The following TEX15 variants were observed in gnomAD, a reference collection of about 807,000 sequenced individuals.
The protein encoded by TEX15 is testis-expressed protein 15.
Under a neutral mutation model 237.3 loss-of-function variants are expected in TEX15, and 171 were observed. That is an observed-to-expected ratio of 0.72 (90% CI 0.64 to 0.82). The LOEUF is 0.82. Ranked by LOEUF, TEX15 falls within the 40% of genes least tolerant of loss-of-function variation. TEX15 has a pLI of 0.00. For missense variants in TEX15, 3,750 were observed against 3,646.5 expected (o/e 1.03, Z -0.73); for synonymous variants, 1,338 against 1,269.8 (o/e 1.05, Z -1.14).
At chr8:30,885,261 T>G (rs6990909) in intron 3 of TEX15, among the ~76,000 whole-genome samples, 53,452 of 151,986 alleles carry the variant, frequency 0.35, 14,216 homozygotes, top group African/African-American at 0.74. Flanking sequence ...ATTCCCATGT[T>G]TTGTGGGAGG....
intron 1 of TEX15, among the ~76,000 whole-genome samples, chr8:30,903,422 C>G (rs1349390114): frequency 6.6e-6 from 1 of 152,170 alleles, no homozygotes; most frequent in Non-Finnish European, 1.5e-5. Flanking sequence ...AGTCTAGGAG[C>G]TGCAGTACAA....
intron 3 of TEX15, among the ~76,000 whole-genome samples, chr8:30,882,476 C>G (rs1364319828): frequency 6.6e-6 from 1 of 152,076 alleles, no homozygotes; most frequent in Non-Finnish European, 1.5e-5. Flanking sequence ...TTAGTAGAGA[C>G]AGGGTTTCAC....
In TEX15 at chr8:30,844,091, T is replaced by C. The variant is rs1268594204; in HGVS notation, c.6076A>G (p.Ile2026Val). 2 of 1,612,742 alleles carry C rather than the reference T, an allele frequency of 1.2e-6. No individual in the cohort carries two copies. Among genetic ancestry groups the C allele is most frequent in the African/African-American group, 1.3e-5 (1 of 74,862 alleles). ...LQEETKVCLN[I>V]LPLFVEAFER... The stretch of plus-strand genomic sequence containing the variant: ...AAAGCTTCCACAAATAAAGGGAGAA[T>C]ATTTAGACAAACCTTAGTTTCTTCC... Residue 2026 changes from isoleucine to valine, a missense_variant, in exon 8 of 11, where the codon ATT becomes GTT. By Grantham distance (29) the Ile-to-Val change is conservative. Coordinates refer to ENST00000643185, the MANE Select transcript of TEX15 (RefSeq NM_001350162.2).
chr8:30,896,075 T>C (rs10088023), intron 2 of TEX15, among the ~76,000 whole-genome samples: 3,315 of 152,256 alleles, frequency 0.022, 116 homozygotes, highest in African/African-American at 0.075. Context: ...AGTTCGACTA[T>C]TGGTACCTTG....
intron 5 of TEX15, among the ~76,000 whole-genome samples, chr8:30,865,492 G>A (rs911470117): frequency 6.6e-6 from 1 of 151,938 alleles, no homozygotes; most frequent in African/African-American, 2.4e-5. Flanking sequence ...CAAAACCAAA[G>A]ACAACGAAAG....
chr8:30,887,370 C>G, intron 2 of TEX15, 59 bp from the exon 3 acceptor site: 1 of 1,333,100 alleles, frequency 7.5e-7, no homozygotes, highest in Non-Finnish European at 9.8e-7. Context: ...AAGGCAATGG[C>G]AGTACAATCA....
At chr8:30,850,677 T>A (rs1246647379) in intron 7 of TEX15, among the ~76,000 whole-genome samples, 1 of 151,730 alleles carries the variant, frequency 6.6e-6, no homozygotes, top group South Asian at 2.1e-4. Flanking sequence ...TACACCAAAA[T>A]AAAATTTGCT....
chr8:30,886,113 G>T (rs1407085201), intron 3 of TEX15, among the ~76,000 whole-genome samples: 1 of 152,178 alleles, frequency 6.6e-6, no homozygotes, highest in Non-Finnish European at 1.5e-5. Context: ...CTTGGTGTGT[G>T]TTAAGATGAG....
chr8:30,879,180 A>C (rs1360481163), intron 3 of TEX15, among the ~76,000 whole-genome samples: 1 of 151,986 alleles, frequency 6.6e-6, no homozygotes, highest in Non-Finnish European at 1.5e-5. Flanking sequence ...TCCAGATGTA[A>C]GTCCTTGCTC....
chr8:30,879,059 T>G (rs1808463566), intron 3 of TEX15, among the ~76,000 whole-genome samples: 2 of 152,232 alleles, frequency 1.3e-5, no homozygotes, highest in Admixed American at 1.3e-4. Context: ...TAAGCCCATT[T>G]GCCATCAGTG....
rs191625804 is a variant in TEX15 at position 30,875,149 on chromosome 8, T to C, written c.137-47A>G. 66 of 1,160,266 alleles carry C rather than the reference T, an allele frequency of 5.7e-5. No individual in the cohort carries two copies. The East Asian group carries it at 2.0e-3, about 34-fold the overall frequency. The allele number at this position is 1,160,266 out of a possible 1,614,324, so 71.9% of individuals were successfully genotyped here. Reference sequence around the variant, plus strand: ...GCAGTTGTATTTAAAATGACATTATTGGACATCTGTACAATGACAACTGTA... The same window carrying C: ...GCAGTTGTATTTAAAATGACATTATCGGACATCTGTACAATGACAACTGTA... On this transcript the variant is annotated intron_variant, in intron 3 of 10. Coordinates refer to ENST00000643185, the MANE Select transcript of TEX15 (RefSeq NM_001350162.2).
At chr8:30,851,625 C>CT (rs1193332790) in intron 7 of TEX15, among the ~76,000 whole-genome samples, 1 of 151,376 alleles carries the variant, frequency 6.6e-6, no homozygotes, top group Non-Finnish European at 1.5e-5. Flanking sequence ...GAGCAAGACT[C>CT]TGTCTCAAGG....
chr8:30,849,139 T>C lies in TEX15; in HGVS notation c.1028A>G (p.Tyr343Cys), dbSNP rs1485382772. ...NPFISNISNS[Y>C]GNVQNGNISI... Reference sequence around the variant, plus strand: ...AATGTTTCCATTTTGTACATTTCCATAGGAGTTAGAAATATTTGAGATGAA... The same window carrying C: ...AATGTTTCCATTTTGTACATTTCCACAGGAGTTAGAAATATTTGAGATGAA... Residue 343 changes from tyrosine (Y) to cysteine (C), a missense_variant, in exon 8 of 11, where the codon TAT (tyrosine) becomes TGT (cysteine). Coordinates refer to ENST00000643185, the MANE Select transcript of TEX15 (RefSeq NM_001350162.2). 16 of 1,579,578 alleles carry C rather than the reference T, an allele frequency of 1.0e-5. No homozygotes were observed. The highest frequency in any genetic ancestry group is 1.4e-5 in the Non-Finnish European group (16 of 1,163,332).
intron 2 of TEX15, among the ~76,000 whole-genome samples, chr8:30,890,767 T>C (rs1054064577): frequency 7.9e-5 from 12 of 152,194 alleles, no homozygotes; most frequent in African/African-American, 2.9e-4. Flanking sequence ...ATTTTTATTT[T>C]TTAATATTTC....
Position 30,874,953 on chromosome 8 carries a change from T to G in TEX15, c.286A>C (p.Asn96His), listed in dbSNP as rs1358494837. ...KLVHNEELEKNFTAKRSEMRE... is the reference protein window; with the variant it reads ...KLVHNEELEKHFTAKRSEMRE... ...GTAACTTACCTCTTAGCAGTAAAAT[T>G]TTTTTCCAGTTCCTCATTGTGAACC... is the stretch of plus-strand genomic sequence containing the variant. The change falls in exon 4 of 11, where the codon AAT becomes CAT. Residue 96 changes from asparagine (N) to histidine (H), a missense_variant. Coordinates refer to ENST00000643185, the MANE Select transcript of TEX15 (RefSeq NM_001350162.2). 2 of 1,338,776 alleles carry G rather than the reference T, an allele frequency of 1.5e-6. No individual in the cohort carries two copies. Among genetic ancestry groups the G allele is most frequent in the Non-Finnish European group, 1.9e-6 (2 of 1,045,414 alleles). The allele number at this position is 1,338,776 out of a possible 1,614,324, so 82.9% of individuals were successfully genotyped here. A position where few individuals can be genotyped will look rare whatever the true frequency, so the allele number is the denominator to read the frequency against.
chr8:30,870,125 G>T (rs1271218153), intron 4 of TEX15, among the ~76,000 whole-genome samples: 2 of 151,330 alleles, frequency 1.3e-5, no homozygotes, highest in African/African-American at 2.4e-5. Context: ...CTTGCTTGTG[G>T]GTTTTTAATT....
At chr8:30,894,995 C>T (rs1808866752) in intron 2 of TEX15, among the ~76,000 whole-genome samples, 1 of 152,130 alleles carries the variant, frequency 6.6e-6, no homozygotes, top group Admixed American at 6.5e-5. Flanking sequence ...TTGGATTCCC[C>T]AGCCTCCAGA....
At chr8:30,889,436 T>C (rs1808735938) in intron 2 of TEX15, among the ~76,000 whole-genome samples, 1 of 152,034 alleles carries the variant, frequency 6.6e-6, no homozygotes, top group Non-Finnish European at 1.5e-5. Flanking sequence ...TGGGAAACAG[T>C]ATGAGACTCC....
intron 7 of TEX15, among the ~76,000 whole-genome samples, chr8:30,852,923 T>C (rs1033262995): frequency 3.9e-5 from 6 of 152,182 alleles, no homozygotes; most frequent in African/African-American, 1.4e-4. Context: ...AAATTGAATT[T>C]ATAATTTTAT....
Sources: gnomAD v4.1 joint callset for allele counts (sites outside exome capture counted in the v4.1 genomes callset) on GRCh38, gnomAD v4.1.1 for gene constraint, MANE v1.5 for transcripts, NCBI Gene and HGNC (gene_info 2026-07-23, HGNC 2026-07-21) for gene names.